Variants in PCMT1 observed in about 807,000 individuals in gnomAD.
PCMT1 encodes protein-L-isoaspartate(D-aspartate) O-methyltransferase.
A neutral mutation model predicts 29.2 loss-of-function variants in PCMT1; 9 were observed. The ratio of observed to expected loss-of-function variants is 0.31; its 90% confidence interval spans 0.19 to 0.54. The LOEUF (loss-of-function observed/expected upper bound fraction) is 0.54, where lower values mean the gene tolerates loss of function less well. Ranked by LOEUF, PCMT1 falls within the 20% of genes least tolerant of loss-of-function variation. The pLI is 0.95. For missense variants in PCMT1, 184 were observed against 282.2 expected (o/e 0.65, Z 2.49); for synonymous variants, 98 against 97.5 (o/e 1.00, Z -0.03).
At chr6:149,792,013 G>A (rs764295928) in intron 4 of PCMT1, among the ~76,000 whole-genome samples, 2 of 152,180 alleles carry the variant, frequency 1.3e-5, no homozygotes, top group Non-Finnish European at 2.9e-5. Flanking sequence ...TGAGGAACCT[G>A]ATTCATACAA....
chr6:149,805,977 C>T (rs1465209739), intron 7 of PCMT1, among the ~76,000 whole-genome samples: 15 of 149,510 alleles, frequency 1.0e-4, no homozygotes, highest in African/African-American at 2.2e-4. Flanking sequence ...CTTACATGTT[C>T]GCACTATCAG....
chr6:149,802,368 A>G lies in PCMT1; in HGVS notation c.673A>G (p.Arg225Gly). 6.2e-7 allele frequency: 1 copy of G among 1,606,604 alleles called. No individual in the cohort carries two copies. Among genetic ancestry groups the G allele is most frequent in the Non-Finnish European group, 8.5e-7 (1 of 1,175,632 alleles). Reference protein sequence around the residue: ...PLTDKEKQWSRWK With the variant: ...PLTDKEKQWSGWK ...AACAGATAAAGAAAAGCAGTGGTCC[A>G]GGTGGAAGTGATTTTATCTTCTGCT... The change falls in exon 7 of 8, where the codon AGG (arginine) becomes GGG (glycine). Residue 225 changes from arginine (R) to glycine (G), a missense_variant. By Grantham distance (125) the Arg-to-Gly change is moderately radical (BLOSUM62 -2). Coordinates refer to ENST00000464889, the MANE Select transcript of PCMT1 (RefSeq NM_001360452.2).
At chr6:149,763,093 A>ATGATATGTATATCTATGATATC (rs1786902134) in intron 1 of PCMT1, among the ~76,000 whole-genome samples, 1 of 67,722 alleles carries the variant, frequency 1.5e-5, no homozygotes, top group Non-Finnish European at 2.1e-5. Flanking sequence ...TCTATGATAT[A>ATGATATGTATATCTATGATATC]TATGATATAT....
At chr6:149,791,259 A>G (rs1390092653) in intron 4 of PCMT1, among the ~76,000 whole-genome samples, 7 of 152,216 alleles carry the variant, frequency 4.6e-5, no homozygotes, top group African/African-American at 1.7e-4. Context: ...CCTGGTTTCT[A>G]AACATTCCTG....
intron 6 of PCMT1, among the ~76,000 whole-genome samples, chr6:149,800,317 A>T (rs1010151450): frequency 2.6e-5 from 4 of 152,010 alleles, no homozygotes; most frequent in Non-Finnish European, 5.9e-5. Flanking sequence ...AATACAAAAA[A>T]AATTAGTCGG....
At chr6:149,764,299 A>G (rs771875504) in intron 1 of PCMT1, among the ~76,000 whole-genome samples, 1 of 152,168 alleles carries the variant, frequency 6.6e-6, no homozygotes, top group Non-Finnish European at 1.5e-5. Flanking sequence ...TTCTAACCTC[A>G]ATGTTATGAT....
intron 4 of PCMT1, among the ~76,000 whole-genome samples, chr6:149,790,514 TTC>T (rs899518075): frequency 1.7e-5 from 2 of 114,594 alleles, no homozygotes; most frequent in Non-Finnish European, 3.3e-5. Flanking sequence ...TGGTTTTCTT[TTC>T]TTTTTTTTTT....
At chr6:149,773,260 T>A (rs1018828139) in intron 3 of PCMT1, 91 bp downstream of exon 3, 47 of 1,013,038 alleles carry the variant, frequency 4.6e-5, no homozygotes, top group Non-Finnish European at 6.7e-5. Context: ...GAAAGTTGTA[T>A]CAATTTATCA....
chr6:149,801,613 A>T (rs1467924988), intron 6 of PCMT1, among the ~76,000 whole-genome samples: 1 of 151,894 alleles, frequency 6.6e-6, no homozygotes, highest in East Asian at 2.0e-4. Flanking sequence ...TGCCTGGCTA[A>T]TTTTGTACTT....
At chr6:149,807,895 G>A (rs1776057964) in intron 7 of PCMT1, among the ~76,000 whole-genome samples, 1 of 152,114 alleles carries the variant, frequency 6.6e-6, no homozygotes, top group Non-Finnish European at 1.5e-5. Context: ...ATTCTATATT[G>A]TTCCTTTTTA....
intron 5 of PCMT1, chr6:149,794,799 G>A: frequency 4.1e-6 from 2 of 483,540 alleles, no homozygotes; most frequent in South Asian, 1.5e-5. Context: ...CATGTTGCCA[G>A]TGAGGGACAT....
At chr6:149,798,607 CAG>C (rs1028252112) in intron 6 of PCMT1, among the ~76,000 whole-genome samples, 2 of 152,100 alleles carry the variant, frequency 1.3e-5, no homozygotes, top group African/African-American at 4.8e-5. Context: ...ACCAGAAAAA[CAG>C]AAGCATAAAC....
In PCMT1 at chr6:149,752,202, A is replaced by AT. The variant is rs938821506; in HGVS notation, c.55+2258dup. ...CCATGGTGAATGTTTAGATGTCAAC[A>AT]TTTTTTTTTTTTGAGACAGAGTTTT... On this transcript the variant is annotated intron_variant, in intron 1 of 7. Transcript: ENST00000464889. Among the ~76,000 whole-genome samples, 155 of 143,470 alleles carry AT rather than the reference A, an allele frequency of 1.1e-3. 3 individuals are homozygous for AT. The East Asian group carries it at 0.011, about 10-fold the overall frequency. 94.1% of individuals were successfully genotyped at this position (143,470 alleles called of 152,430 possible).
At chr6:149,761,072 A>G (rs554788638) in intron 1 of PCMT1, among the ~76,000 whole-genome samples, 11 of 149,466 alleles carry the variant, frequency 7.4e-5, no homozygotes, top group African/African-American at 2.7e-4. Flanking sequence ...CATATATAAA[A>G]CTGATATAAC....
At chr6:149,791,627 T>C (rs771011898) in intron 4 of PCMT1, among the ~76,000 whole-genome samples, 6 of 152,234 alleles carry the variant, frequency 3.9e-5, no homozygotes, top group Non-Finnish European at 8.8e-5. Context: ...TTGTCTGCTC[T>C]TTTTTATCAT....
intron 5 of PCMT1, chr6:149,794,768 A>G (rs1021191019): frequency 2.7e-5 from 13 of 475,406 alleles, no homozygotes; most frequent in Middle Eastern, 9.8e-4. Context: ...ATACAGGAGT[A>G]AACCACACCA....
intron 1 of PCMT1, among the ~76,000 whole-genome samples, chr6:149,756,512 CTTTTTTTTTTTTTTTT>C (rs61038108): frequency 8.0e-5 from 6 of 74,720 alleles, no homozygotes; most frequent in South Asian, 4.3e-4. Context: ...CCATGACTGG[CTTTTTTTTTTTTTTTT>C]TTTTTTTTTT....
chr6:149,793,609 G>A lies in PCMT1; in HGVS notation c.358G>A (p.Val120Ile), dbSNP rs4816. The A allele has an allele frequency of 0.41, 637,972 of 1,563,820 alleles. 143,604 individuals are homozygous for A. Among genetic ancestry groups the A allele is most frequent in the African/African-American group, 0.81 (57,603 of 71,138 alleles). ...CATTAAAGAGCTAGTAGATGACTCA[G>A]TAAATAATGTCAGGAAGGACGATCC... is the stretch of plus-strand genomic sequence containing the variant. The part of the protein sequence containing the change: ...DHIKELVDDS[V>I]NNVRKDDPTL... Residue 120 changes from valine to isoleucine, a missense_variant, in exon 5 of 8, where the codon GTA (valine) becomes ATA (isoleucine). By Grantham distance (29) the Val-to-Ile change is conservative (BLOSUM62 3). Transcript: ENST00000464889.
In PCMT1 at chr6:149,762,995, A is replaced by ATGATATATATATCTATGATATC. The variant is rs1562398964; in HGVS notation, c.56-8166_56-8165insGATATATATATCTATGATATCT. Among the ~76,000 whole-genome samples, 2 of 59,870 alleles carry ATGATATATATATCTATGATATC rather than the reference A, an allele frequency of 3.3e-5. 1 individual carries two copies. The highest frequency in any genetic ancestry group is 3.3e-4 in the African/African-American group (2 of 6,128). The allele number at this position is 59,870 out of a possible 152,430, so 39.3% of individuals were successfully genotyped here. A position where few individuals can be genotyped will look rare whatever the true frequency, so the allele number is the denominator to read the frequency against. On this transcript the variant is annotated intron_variant, in intron 1 of 7. Coordinates refer to ENST00000464889, the MANE Select transcript of PCMT1 (RefSeq NM_001360452.2). The stretch of plus-strand genomic sequence containing the variant: ...TATATGATATATATATCTATGATAT[A>ATGATATATATATCTATGATATC]TATGATATATATATCTATGATATAT...
Sources: allele counts gnomAD v4.1 joint callset (sites outside exome capture counted in the v4.1 genomes callset), GRCh38; gene constraint gnomAD v4.1.1; transcripts MANE v1.5; gene names NCBI Gene and HGNC (gene_info 2026-07-23, HGNC 2026-07-21).